Variants in SPAG16 observed in about 807,000 individuals in gnomAD.
The protein encoded by SPAG16 is sperm-associated antigen 16 protein.
A neutral mutation model predicts 80.4 loss-of-function variants in SPAG16; 86 were observed. That is an observed-to-expected ratio of 1.07 (90% CI 0.90 to 1.28). SPAG16 has a LOEUF of 1.28. SPAG16 is among the 50% of genes most tolerant of loss of function. The pLI is 0.00. For synonymous variants in SPAG16, 294 were observed against 265.9 expected (o/e 1.11, Z -1.03); for missense variants, 870 against 765.3 (o/e 1.14, Z -1.61).
At chr2:214,042,530 T>G (rs1013801244) in intron 13 of SPAG16, among the ~76,000 whole-genome samples, 2 of 152,160 alleles carry the variant, frequency 1.3e-5, no homozygotes, top group African/African-American at 4.8e-5. Context: ...CCAAACAAAA[T>G]TTCTTTATTT....
chr2:213,792,529 T>C (rs756643063), intron 10 of SPAG16, among the ~76,000 whole-genome samples: 9 of 151,992 alleles, frequency 5.9e-5, no homozygotes, highest in Non-Finnish European at 1.3e-4. Context: ...CTAGCAGCAT[T>C]GTTCATCAAA....
Position 213,501,211 on chromosome 2 carries a change from A to G in SPAG16, c.1070+11121A>G, listed in dbSNP as rs148887455. Among the ~76,000 whole-genome samples the G allele has an allele frequency of 7.2e-5, 11 of 152,336 alleles. 1 individual carries two copies. Among genetic ancestry groups the G allele is most frequent in the African/African-American group, 2.6e-4 (11 of 41,576 alleles). ...ATAATTCTTGCAGATGCCATTGACAAGTTTTATAACTTTCATTTTGTTATG... is the reference window on the plus strand; with the variant it reads ...ATAATTCTTGCAGATGCCATTGACAGGTTTTATAACTTTCATTTTGTTATG... On this transcript the variant is annotated intron_variant, in intron 10 of 15. Transcript: ENST00000331683.
At chr2:213,460,691 A>G (rs763024075) in intron 9 of SPAG16, among the ~76,000 whole-genome samples, 11 of 152,194 alleles carry the variant, frequency 7.2e-5, no homozygotes, top group Non-Finnish European at 1.5e-4. Flanking sequence ...TAGAACTTAA[A>G]TCAGACTCTT....
At chr2:213,889,728 T>C (rs550247262) in intron 11 of SPAG16, among the ~76,000 whole-genome samples, 14 of 146,176 alleles carry the variant, frequency 9.6e-5, no homozygotes, top group South Asian at 2.2e-4. Flanking sequence ...CATATATATA[T>C]ACATATATAT....
intron 15 of SPAG16, among the ~76,000 whole-genome samples, chr2:214,164,583 C>G (rs1011129408): frequency 2.6e-5 from 4 of 152,078 alleles, no homozygotes; most frequent in African/African-American, 4.8e-5. Flanking sequence ...ACTGTGGCAC[C>G]AACGCTGGTC....
chr2:214,177,967 GTATGTATATATATATATATATATATA>G (rs1371126511), intron 15 of SPAG16, among the ~76,000 whole-genome samples: 2 of 18,168 alleles, frequency 1.1e-4, no homozygotes, highest in African/African-American at 3.2e-4. Context: ...TTCACAAAGT[GTATGTATATATATATATATATATATA>G]TATATATATA....
intron 13 of SPAG16, among the ~76,000 whole-genome samples, chr2:214,104,172 T>C (rs1014116477): frequency 6.6e-6 from 1 of 152,092 alleles, no homozygotes; most frequent in African/African-American, 2.4e-5. Flanking sequence ...GAACTCTGCT[T>C]AGAAAGCCCT....
intron 15 of SPAG16, among the ~76,000 whole-genome samples, chr2:214,266,168 AAGAC>A (rs1334182530): frequency 6.6e-6 from 1 of 151,932 alleles, no homozygotes; most frequent in African/African-American, 2.4e-5. Context: ...GTAAGTAACA[AAGAC>A]AGACAACTAA....
intron 10 of SPAG16, among the ~76,000 whole-genome samples, chr2:213,663,845 A>T (rs547839948): frequency 2.6e-5 from 4 of 152,102 alleles, no homozygotes; most frequent in Non-Finnish European, 5.9e-5. Context: ...AAGTTTCATG[A>T]TATTATCTTA....
intron 13 of SPAG16, among the ~76,000 whole-genome samples, chr2:214,083,823 C>T (rs1050940652): frequency 1.3e-5 from 2 of 152,068 alleles, no homozygotes; most frequent in Admixed American, 6.6e-5. Context: ...GTTGCTGTAT[C>T]TTATTAGAGA....
chr2:213,955,569 C>G (rs1453887267), intron 12 of SPAG16, among the ~76,000 whole-genome samples: 1 of 152,168 alleles, frequency 6.6e-6, no homozygotes, highest in Admixed American at 6.5e-5. Flanking sequence ...TAGTACCACA[C>G]TGTCTTAATT....
intron 9 of SPAG16, among the ~76,000 whole-genome samples, chr2:213,388,916 C>G (rs1399268613): frequency 6.6e-6 from 1 of 152,036 alleles, no homozygotes; most frequent in Non-Finnish European, 1.5e-5. Flanking sequence ...AACATAAAAA[C>G]CCATCCTAAG....
In SPAG16 at chr2:213,737,493, C is replaced by CTTTTTT. The variant is rs3076768; in HGVS notation, c.1071-124985_1071-124980dup. The stretch of plus-strand genomic sequence containing the variant: ...TCTCCTTACTTTTTCTTTTTCTTTT[C>CTTTTTT]TTTTTTTTTTTTGAGACGGAGTCTC... On this transcript the variant is annotated intron_variant, in intron 10 of 15. Transcript: ENST00000331683. 5.9e-3 allele frequency among the ~76,000 whole-genome samples: 835 copies of CTTTTTT among 142,228 alleles called. 14 individuals are homozygous for CTTTTTT. Among genetic ancestry groups the CTTTTTT allele is most frequent in the African/African-American group, 0.02 (790 of 38,682 alleles). 93.3% of individuals were successfully genotyped at this position (142,228 alleles called of 152,430 possible).
At chr2:214,165,129 C>A (rs1264504298) in intron 15 of SPAG16, among the ~76,000 whole-genome samples, 1 of 151,862 alleles carries the variant, frequency 6.6e-6, no homozygotes, top group Non-Finnish European at 1.5e-5. Context: ...GCCTGACAGA[C>A]ATAAGTTTTA....
At chr2:214,093,918 C>T (rs541560263) in intron 13 of SPAG16, among the ~76,000 whole-genome samples, 9 of 152,196 alleles carry the variant, frequency 5.9e-5, no homozygotes, top group African/African-American at 2.2e-4. Context: ...GTCTATATCT[C>T]ATCTTAAATA....
chr2:213,541,345 A>G (rs997628890), intron 10 of SPAG16, among the ~76,000 whole-genome samples: 1 of 152,224 alleles, frequency 6.6e-6, no homozygotes, highest in Admixed American at 6.5e-5. Flanking sequence ...TGGGCCATGC[A>G]CGGTGGCTCA....
chr2:214,313,630 A>T (rs1695480771), intron 15 of SPAG16, among the ~76,000 whole-genome samples: 3 of 152,130 alleles, frequency 2.0e-5, no homozygotes, highest in Non-Finnish European at 4.4e-5. Context: ...TCACTAGTTT[A>T]AAGTATTTCT....
chr2:213,464,205 C>T (rs765585984), intron 9 of SPAG16, among the ~76,000 whole-genome samples: 17 of 152,162 alleles, frequency 1.1e-4, no homozygotes, highest in East Asian at 5.8e-4. Context: ...GCTGTCCTTA[C>T]GTCATTTCAA....
At chr2:214,215,401 A>G (rs907612164) in intron 15 of SPAG16, among the ~76,000 whole-genome samples, 2 of 152,132 alleles carry the variant, frequency 1.3e-5, no homozygotes, top group East Asian at 3.9e-4. Flanking sequence ...CTATCAGGCC[A>G]CCTTTGATTC....
Sources: gnomAD v4.1 joint callset for allele counts (sites outside exome capture counted in the v4.1 genomes callset) on GRCh38, gnomAD v4.1.1 for gene constraint, MANE v1.5 for transcripts, NCBI Gene and HGNC (gene_info 2026-07-23, HGNC 2026-07-21) for gene names.